Variants in HIVEP3 observed in about 807,000 individuals in gnomAD.
The protein encoded by HIVEP3 is HIVEP zinc finger 3.
A neutral mutation model predicts 152.8 loss-of-function variants in HIVEP3; 49 were observed. That is an observed-to-expected ratio of 0.32 (90% CI 0.26 to 0.41). The LOEUF is 0.41. HIVEP3 is among the 10% of genes least tolerant of loss of function. The probability of loss-of-function intolerance (pLI) is 1.00; values close to 1 mark genes in which losing one functional copy is unlikely to be tolerated. For synonymous variants in HIVEP3, 1,269 were observed against 1,289.0 expected, an observed-to-expected ratio of 0.98 and a Z score of 0.33; for missense variants, 2,790 against 3,103.3, an observed-to-expected ratio of 0.90 and a Z score of 2.40.
intron 2 of HIVEP3, among the ~76,000 whole-genome samples, chr1:41,691,140 C>G (rs1422920576): frequency 6.6e-6 from 1 of 152,164 alleles, no homozygotes; most frequent in African/African-American, 2.4e-5. Flanking sequence ...GCTTAGAAGT[C>G]TGTGTGGCAC....
chr1:41,517,425 A>G (rs776905921), intron 7 of HIVEP3, among the ~76,000 whole-genome samples: 1 of 152,234 alleles, frequency 6.6e-6, no homozygotes, highest in Non-Finnish European at 1.5e-5. Context: ...CCCCAAGTTC[A>G]CTGTGTTCTC....
chr1:41,513,009 C>T lies in HIVEP3; in HGVS notation c.6212G>A (p.Arg2071Lys), dbSNP rs767953396. Residue 2071 changes from arginine to lysine, a missense_variant, in exon 8 of 9, where the codon AGA (arginine) becomes AAA (lysine). Coordinates refer to ENST00000372583, the MANE Select transcript of HIVEP3 (RefSeq NM_024503.5). Reference sequence around the variant, plus strand: ...TGACTCGGCCTGACCTGGAGACCATCTCCTGGTGGGCGAGTATCTGGGGAG... The same window carrying T: ...TGACTCGGCCTGACCTGGAGACCATTTCCTGGTGGGCGAGTATCTGGGGAG... ...PGLPRYSPTR[R>K]WSPGQAESPP... The T allele has an allele frequency of 3.1e-6, 5 of 1,613,502 alleles. No homozygotes were observed. Among genetic ancestry groups the T allele is most frequent in the Non-Finnish European group, 4.2e-6 (5 of 1,179,706 alleles).
At chr1:41,931,921 T>A (rs547600481) in intron 1 of HIVEP3, among the ~76,000 whole-genome samples, 6 of 151,566 alleles carry the variant, frequency 4.0e-5, no homozygotes, top group African/African-American at 1.5e-4. Context: ...CTTTCTTCCT[T>A]TTAAATCTTT....
chr1:41,950,189 T>C (rs921532329), intron 1 of HIVEP3, among the ~76,000 whole-genome samples: 5 of 152,160 alleles, frequency 3.3e-5, no homozygotes, highest in African/African-American at 4.8e-5. Context: ...TCTGAGAGCA[T>C]AATGGAAGGG....
chr1:41,844,634 T>C (rs1209613776), intron 1 of HIVEP3, among the ~76,000 whole-genome samples: 1 of 152,186 alleles, frequency 6.6e-6, no homozygotes, highest in African/African-American at 2.4e-5. Flanking sequence ...ATGTGCTCAA[T>C]TCAAAAGGCT....
chr1:41,795,017 G>A (rs905379888), intron 1 of HIVEP3, among the ~76,000 whole-genome samples: 2 of 152,116 alleles, frequency 1.3e-5, no homozygotes, highest in African/African-American at 4.8e-5. Context: ...AACCTCAAAT[G>A]GACCTAAGAC....
chr1:41,524,487 G>A (rs528618364), intron 6 of HIVEP3, among the ~76,000 whole-genome samples: 2 of 152,174 alleles, frequency 1.3e-5, no homozygotes, highest in Admixed American at 1.3e-4. Flanking sequence ...GGCCAGGGCC[G>A]GGTGGCCACA....
intron 1 of HIVEP3, among the ~76,000 whole-genome samples, chr1:41,809,353 AG>A (rs2124324909): frequency 6.6e-6 from 1 of 152,336 alleles, no homozygotes; most frequent in African/African-American, 2.4e-5. Flanking sequence ...GAACAGAAAC[AG>A]GTGGTACCAA....
intron 1 of HIVEP3, among the ~76,000 whole-genome samples, chr1:41,893,016 G>T (rs896083223): frequency 3.3e-5 from 5 of 151,594 alleles, no homozygotes; most frequent in Non-Finnish European, 1.5e-5. Context: ...CCAGCTACTC[G>T]GGAGGCTGAG....
intron 1 of HIVEP3, among the ~76,000 whole-genome samples, chr1:41,719,073 G>C (rs1376663324): frequency 6.6e-6 from 1 of 152,210 alleles, no homozygotes; most frequent in Non-Finnish European, 1.5e-5. Flanking sequence ...AGGCCAGATA[G>C]CTAAAATTGA....
At chr1:41,527,749 G>A (rs547958369) in intron 5 of HIVEP3, among the ~76,000 whole-genome samples, 5 of 98,340 alleles carry the variant, frequency 5.1e-5, no homozygotes, top group Non-Finnish European at 8.2e-5. Flanking sequence ...CTACACCCTC[G>A]CATTCACCTT....
At chr1:41,944,793 C>T (rs1044529026) in intron 1 of HIVEP3, among the ~76,000 whole-genome samples, 2 of 152,166 alleles carry the variant, frequency 1.3e-5, no homozygotes, top group African/African-American at 2.4e-5. Flanking sequence ...AGGACTAATG[C>T]TCATCGGAAA....
At chr1:41,849,354 G>A (rs912434433) in intron 1 of HIVEP3, among the ~76,000 whole-genome samples, 4 of 152,182 alleles carry the variant, frequency 2.6e-5, no homozygotes, top group African/African-American at 9.7e-5. Flanking sequence ...TTAAAAATGT[G>A]TGGAAACTAA....
chr1:41,697,491 G>A (rs2124120912), intron 2 of HIVEP3, among the ~76,000 whole-genome samples: 1 of 152,322 alleles, frequency 6.6e-6, no homozygotes, highest in East Asian at 1.9e-4. Flanking sequence ...CTACCCATGG[G>A]AACCTTTGAG....
intron 1 of HIVEP3, among the ~76,000 whole-genome samples, chr1:41,902,979 G>C (rs948009125): frequency 6.6e-6 from 1 of 152,210 alleles, no homozygotes; most frequent in African/African-American, 2.4e-5. Context: ...TGAGTATTTA[G>C]AAATACTTAG....
intron 1 of HIVEP3, among the ~76,000 whole-genome samples, chr1:41,766,956 T>C (rs1223109862): frequency 2.0e-5 from 3 of 152,158 alleles, no homozygotes; most frequent in African/African-American, 7.2e-5. Flanking sequence ...CCCAAAATTG[T>C]CCTACCCAAT....
chr1:41,669,363 G>A (rs1256268825), intron 2 of HIVEP3, among the ~76,000 whole-genome samples: 1 of 152,186 alleles, frequency 6.6e-6, no homozygotes, highest in Non-Finnish European at 1.5e-5. Flanking sequence ...CTGGGGGTGG[G>A]AGGAGGGTGT....
intron 1 of HIVEP3, among the ~76,000 whole-genome samples, chr1:41,734,352 C>G (rs1171626766): frequency 6.6e-6 from 1 of 152,230 alleles, no homozygotes; most frequent in East Asian, 1.9e-4. Context: ...AACCAGCTGG[C>G]ACGCACATGG....
At chr1:41,556,423 T>G (rs893129254) in intron 5 of HIVEP3, among the ~76,000 whole-genome samples, 1 of 152,246 alleles carries the variant, frequency 6.6e-6, no homozygotes, top group Non-Finnish European at 1.5e-5. Context: ...TTTGTATATC[T>G]TGTTTGGAGA....
Sources: gnomAD v4.1 joint callset for allele counts (sites outside exome capture counted in the v4.1 genomes callset) on GRCh38, gnomAD v4.1.1 for gene constraint, MANE v1.5 for transcripts, NCBI Gene and HGNC (gene_info 2026-07-23, HGNC 2026-07-21) for gene names.